The following SHISA9 variants were observed in gnomAD, a reference collection of about 807,000 sequenced individuals.
SHISA9 encodes protein shisa-9.
A neutral mutation model predicts 38.0 loss-of-function variants in SHISA9; 13 were observed. The observed-to-expected ratio is 0.34, with a 90% CI of 0.22 to 0.54. The LOEUF (loss-of-function observed/expected upper bound fraction) is 0.54, where lower values mean the gene tolerates loss of function less well. SHISA9 is among the 20% of genes least tolerant of loss of function. The pLI, the probability that SHISA9 is intolerant of heterozygous loss-of-function variation, is 0.91. For synonymous variants in SHISA9, 275 were observed against 242.0 expected, an observed-to-expected ratio of 1.14 and a Z score of -1.27; for missense variants, 538 against 575.8, an observed-to-expected ratio of 0.93 and a Z score of 0.67.
the SHISA9 span, among the ~76,000 whole-genome samples, chr16:13,517,531 T>C: frequency 6.6e-6 from 1 of 152,194 alleles, no homozygotes; most frequent in Non-Finnish European, 1.5e-5. Flanking sequence ...AATTCAAATT[T>C]AGTTTAATCA....
At chr16:13,068,562 T>A (rs1596624350) in intron 2 of SHISA9, among the ~76,000 whole-genome samples, 1 of 152,344 alleles carries the variant, frequency 6.6e-6, no homozygotes, top group African/African-American at 2.4e-5. Context: ...GTTGTCAGTC[T>A]AGACTTTTCT....
At chr16:13,021,797 CTATT>C (rs1344916495) in intron 2 of SHISA9, among the ~76,000 whole-genome samples, 1 of 152,166 alleles carries the variant, frequency 6.6e-6, no homozygotes, top group Non-Finnish European at 1.5e-5. Flanking sequence ...TTATAATAGT[CTATT>C]TATTAGACAG....
the SHISA9 span, among the ~76,000 whole-genome samples, chr16:13,312,470 G>C: frequency 6.6e-6 from 1 of 152,128 alleles, no homozygotes; most frequent in Non-Finnish European, 1.5e-5. Flanking sequence ...CTGAAAATCA[G>C]TTTTACAATA....
At chr16:13,369,173 G>A in the SHISA9 span, among the ~76,000 whole-genome samples, 259 of 152,076 alleles carry the variant, frequency 1.7e-3, 1 homozygote, top group African/African-American at 5.8e-3. Context: ...TTTTGAAAGC[G>A]TACAAAATAG....
At chr16:13,125,570 A>G (rs751481822) in intron 2 of SHISA9, among the ~76,000 whole-genome samples, 3 of 152,210 alleles carry the variant, frequency 2.0e-5, no homozygotes, top group Non-Finnish European at 4.4e-5. Flanking sequence ...TTTATGGTGG[A>G]TGAGACACTA....
At chr16:13,361,725 C>A in the SHISA9 span, among the ~76,000 whole-genome samples, 1 of 152,164 alleles carries the variant, frequency 6.6e-6, no homozygotes, top group Non-Finnish European at 1.5e-5. Context: ...GATGGTTGTT[C>A]CTTCCCATGC....
chr16:13,210,740 C>G (rs375009388), intron 3 of SHISA9, among the ~76,000 whole-genome samples: 92 of 152,298 alleles, frequency 6.0e-4, no homozygotes, highest in African/African-American at 2.1e-3. Context: ...CAGTACCCCC[C>G]GTTTTGCAGA....
At chr16:13,420,247 A>G in the SHISA9 span, among the ~76,000 whole-genome samples, 5 of 134,616 alleles carry the variant, frequency 3.7e-5, no homozygotes, top group African/African-American at 3.1e-5. Context: ...ATCTGTTTCA[A>G]AAAAAAAAAA....
intron 2 of SHISA9, among the ~76,000 whole-genome samples, chr16:13,197,110 C>T (rs200955787): frequency 2.1e-4 from 11 of 53,000 alleles, no homozygotes; most frequent in South Asian, 7.6e-4. Flanking sequence ...TACATACACA[C>T]ACACACACAC....
chr16:13,179,232 C>A (rs896397982), intron 2 of SHISA9, among the ~76,000 whole-genome samples: 1 of 152,078 alleles, frequency 6.6e-6, no homozygotes, highest in Non-Finnish European at 1.5e-5. Flanking sequence ...GGCGGGAGAA[C>A]AACCAGGAGG....
chr16:12,983,233 G>GGCAGCGGGGAGTGGCTT (rs2072263652), intron 2 of SHISA9, among the ~76,000 whole-genome samples: 1 of 152,202 alleles, frequency 6.6e-6, no homozygotes, highest in African/African-American at 2.4e-5. Flanking sequence ...TGTGGCTTGT[G>GGCAGCGGGGAGTGGCTT]GCAGCGGGGA....
intron 2 of SHISA9, among the ~76,000 whole-genome samples, chr16:13,096,487 G>A (rs1310585034): frequency 6.6e-6 from 1 of 152,190 alleles, no homozygotes; most frequent in Non-Finnish European, 1.5e-5. Context: ...GGGGCTGGGG[G>A]CTCAGGGAAG....
chr16:13,016,483 G>A (rs1440425587), intron 2 of SHISA9, among the ~76,000 whole-genome samples: 1 of 152,174 alleles, frequency 6.6e-6, no homozygotes, highest in Non-Finnish European at 1.5e-5. Context: ...TGTGTAATGG[G>A]CAGTGGTGAG....
At chr16:13,227,589 A>T (rs1042303119) in intron 4 of SHISA9, among the ~76,000 whole-genome samples, 6 of 152,154 alleles carry the variant, frequency 3.9e-5, no homozygotes, top group African/African-American at 1.4e-4. Context: ...AGGTAACTGG[A>T]TATATAAATT....
intron 2 of SHISA9, among the ~76,000 whole-genome samples, chr16:13,057,794 G>T (rs1398915268): frequency 6.6e-6 from 1 of 152,066 alleles, no homozygotes; most frequent in Non-Finnish European, 1.5e-5. Context: ...TTTTTATCCT[G>T]ATGCTCTCTC....
At chr16:13,456,687 A>G in the SHISA9 span, among the ~76,000 whole-genome samples, 4 of 152,196 alleles carry the variant, frequency 2.6e-5, no homozygotes, top group African/African-American at 9.7e-5. Flanking sequence ...GCCATACGTT[A>G]TCAGTTCTAC....
chr16:13,281,678 G>T, the SHISA9 span, among the ~76,000 whole-genome samples: 1 of 150,104 alleles, frequency 6.7e-6, no homozygotes, highest in Non-Finnish European at 1.5e-5. Context: ...GATTGTTCTA[G>T]GTATATCAAT....
the SHISA9 span, among the ~76,000 whole-genome samples, chr16:13,534,741 A>G: frequency 1.3e-5 from 2 of 152,074 alleles, no homozygotes; most frequent in African/African-American, 4.8e-5. Flanking sequence ...TTCCTCATAT[A>G]TCAACCTCTA....
the SHISA9 span, among the ~76,000 whole-genome samples, chr16:13,365,502 G>A: frequency 1.4e-5 from 2 of 144,278 alleles, no homozygotes; most frequent in African/African-American, 5.3e-5. Flanking sequence ...TGTTACCTAG[G>A]CTGTAGAACA....
Sources: gnomAD v4.1 joint callset for allele counts (sites outside exome capture counted in the v4.1 genomes callset) on GRCh38, gnomAD v4.1.1 for gene constraint, MANE v1.5 for transcripts, NCBI Gene and HGNC (gene_info 2026-07-23, HGNC 2026-07-21) for gene names.